Variants in OTULIN observed in about 807,000 individuals in gnomAD.
The protein encoded by OTULIN is ubiquitin thioesterase otulin.
Under a neutral mutation model 39.6 loss-of-function variants are expected in OTULIN, and 15 were observed. The ratio of observed to expected loss-of-function variants is 0.38; its 90% CI spans 0.25 to 0.58. The LOEUF (loss-of-function observed/expected upper bound fraction) is 0.58, where lower values mean the gene tolerates loss of function less well. OTULIN is among the 20% of genes least tolerant of loss of function. The pLI is 0.66. For missense variants in OTULIN, 319 were observed against 445.9 expected (o/e 0.72, Z 2.56); for synonymous variants, 156 against 170.3 (o/e 0.92, Z 0.65).
At chr5:14,711,430 T>C in the OTULIN span, 2 of 835,126 alleles carry the variant, frequency 2.4e-6, no homozygotes, top group South Asian at 1.4e-5. Context: ...TTAAACCTTC[T>C]TATGGTTGGG....
the OTULIN span, chr5:14,712,824 G>A: frequency 3.3e-6 from 5 of 1,533,976 alleles, no homozygotes; most frequent in Non-Finnish European, 4.4e-6. Flanking sequence ...AGGTTCTCCT[G>A]CACCCAGGAG....
chr5:14,688,944 A>G (rs540378878), intron 5 of OTULIN, among the ~76,000 whole-genome samples: 1 of 152,280 alleles, frequency 6.6e-6, no homozygotes, highest in South Asian at 2.1e-4. Context: ...AGTGGTGCCA[A>G]TTTGCAATAA....
At chr5:14,667,682 A>C (rs147932211) in intron 1 of OTULIN, among the ~76,000 whole-genome samples, 3 of 151,986 alleles carry the variant, frequency 2.0e-5, no homozygotes, top group Non-Finnish European at 4.4e-5. Flanking sequence ...GTGATGAACT[A>C]CTTTGTATAT....
chr5:14,675,447 G>A (rs154667), intron 2 of OTULIN, among the ~76,000 whole-genome samples: 5,941 of 152,314 alleles, frequency 0.039, 176 homozygotes, highest in Admixed American at 0.082. Flanking sequence ...GATGTGTGGC[G>A]GGGCCGCACC....
chr5:14,708,839 C>T, the OTULIN span: 1 of 152,162 alleles, frequency 6.6e-6, no homozygotes, highest in African/African-American at 2.4e-5. Flanking sequence ...AGTTGTATTT[C>T]CTCATCTCAT....
chr5:14,699,903 C>T (rs1401514228), downstream of OTULIN, among the ~76,000 whole-genome samples: 3 of 152,190 alleles, frequency 2.0e-5, no homozygotes, highest in African/African-American at 7.2e-5. Flanking sequence ...TAAACTCTCC[C>T]TAGTTGCCTG....
chr5:14,675,040 C>G (rs1478367931), intron 2 of OTULIN, among the ~76,000 whole-genome samples: 2 of 152,114 alleles, frequency 1.3e-5, no homozygotes, highest in Admixed American at 6.6e-5. Context: ...GAAATTCTTG[C>G]CGTTGTTTGA....
At chr5:14,707,065 C>T in the OTULIN span, 1 of 152,094 alleles carries the variant, frequency 6.6e-6, no homozygotes, top group Admixed American at 6.5e-5. Context: ...TTTTTCTGGA[C>T]TGTGCACTAG....
chr5:14,713,273 C>T, the OTULIN span, among the ~76,000 whole-genome samples: 1 of 152,132 alleles, frequency 6.6e-6, no homozygotes, highest in Non-Finnish European at 1.5e-5. This position sits in a 1 kb window ranked among gnomAD's most constrained non-coding sequence, Gnocchi z 4.4. Flanking sequence ...TTTTCATGTC[C>T]AGCATACGTT....
chr5:14,710,967 GT>G, the OTULIN span: 1 of 527,928 alleles, frequency 1.9e-6, no homozygotes, highest in Non-Finnish European at 3.4e-6. Flanking sequence ...GAAGTCAGTT[GT>G]TTCGTTTGTT....
intron 2 of OTULIN, among the ~76,000 whole-genome samples, chr5:14,675,316 A>G (rs964181670): frequency 3.9e-5 from 6 of 152,178 alleles, no homozygotes; most frequent in African/African-American, 1.4e-4. Flanking sequence ...GAACAAAAGC[A>G]TTGTCATGTG....
intron 3 of OTULIN, among the ~76,000 whole-genome samples, chr5:14,679,671 G>A (rs1736195831): frequency 6.6e-6 from 1 of 152,000 alleles, no homozygotes; most frequent in Non-Finnish European, 1.5e-5. Context: ...TTTCCTCAGA[G>A]CTCATTTTTA....
chr5:14,706,519 T>C, the OTULIN span: 1 of 152,218 alleles, frequency 6.6e-6, no homozygotes, highest in African/African-American at 2.4e-5. Context: ...TAAGGTCTTA[T>C]CATCTCGTTT....
the OTULIN span, chr5:14,706,510 A>G: frequency 6.6e-6 from 1 of 152,340 alleles, no homozygotes; most frequent in African/African-American, 2.4e-5. Flanking sequence ...GTCTAAACTT[A>G]AGGTCTTATC....
downstream of OTULIN, among the ~76,000 whole-genome samples, chr5:14,702,948 T>G (rs753087745): frequency 1.3e-5 from 2 of 152,168 alleles, no homozygotes; most frequent in Non-Finnish European, 2.9e-5. Context: ...CTGAAGCACT[T>G]CCATGTGGCT....
chr5:14,689,598 G>A (rs152788), intron 5 of OTULIN, among the ~76,000 whole-genome samples: 107,291 of 152,056 alleles, frequency 0.71, 39,441 homozygotes, highest in Middle Eastern at 0.85. Context: ...GAGCCCCTAC[G>A]CCCTTCCTTG....
rs780162806 is a variant in OTULIN at position 14,678,685 on chromosome 5, G to A, written c.234G>A (p.Pro78=). The A allele has an allele frequency of 3.8e-6, 6 of 1,568,506 alleles. No homozygotes were observed. The highest frequency in any genetic ancestry group is 2.3e-5 in the East Asian group (1 of 44,240). ...TTTTTTTAAATTCTTTAACAGAACC[G>A]AGATTAAGCGTAGCTCCTGAAATGG... ...LLIHERGASE[P]RLSVAPEMDI... Residue 78 remains proline (P), a synonymous_variant, in exon 3 of 7, where the codon CCG becomes CCA. Transcript: ENST00000284274.
At chr5:14,671,744 CACAGTT>C (rs1735983277) in intron 1 of OTULIN, among the ~76,000 whole-genome samples, 1 of 152,066 alleles carries the variant, frequency 6.6e-6, no homozygotes, top group Non-Finnish European at 1.5e-5. Flanking sequence ...TTAAAATACA[CACAGTT>C]ACACATTTAG....
chr5:14,710,078 A>G, the OTULIN span: 6 of 152,298 alleles, frequency 3.9e-5, no homozygotes, highest in East Asian at 5.8e-4. Context: ...AGGACCACAT[A>G]GTGACTCTGG....
Sources: gnomAD v4.1 joint callset for allele counts (sites outside exome capture counted in the v4.1 genomes callset) on GRCh38, gnomAD v4.1.1 for gene constraint, Gnocchi (gnomAD v3.1) non-coding constraint, MANE v1.5 for transcripts, NCBI Gene and HGNC (gene_info 2026-07-23, HGNC 2026-07-21) for gene names.